ZNF565: variants seen among roughly 807,000 people sequenced by gnomAD.
ZNF565 encodes the protein zinc finger protein 565.
Under a neutral mutation model 39.4 loss-of-function variants are expected in ZNF565, and 27 were observed. The observed-to-expected ratio is 0.69, with a 90% CI of 0.51 to 0.95. ZNF565 has a LOEUF of 0.95. ZNF565 is among the 40% of genes least tolerant of loss of function. The pLI is 0.00. For synonymous variants in ZNF565, 185 were observed against 216.6 expected, an observed-to-expected ratio of 0.85 and a Z score of 1.28; for missense variants, 524 against 621.1, an observed-to-expected ratio of 0.84 and a Z score of 1.66.
intron 1 of ZNF565, among the ~76,000 whole-genome samples, chr19:36,239,616 A>G (rs923699702): frequency 1.3e-5 from 2 of 152,200 alleles, no homozygotes; most frequent in African/African-American, 4.8e-5. Context: ...ATGAGTCACC[A>G]TGCCCAGCTA....
chr19:36,240,370 G>A (rs1324266432), intron 1 of ZNF565, among the ~76,000 whole-genome samples: 7 of 152,242 alleles, frequency 4.6e-5, no homozygotes, highest in African/African-American at 7.2e-5. Flanking sequence ...GCAGTCAGCC[G>A]TGATTGCACC....
intron 1 of ZNF565, among the ~76,000 whole-genome samples, chr19:36,232,422 A>G (rs147508075): frequency 6.6e-6 from 1 of 152,150 alleles, no homozygotes; most frequent in Non-Finnish European, 1.5e-5. Flanking sequence ...GGAACTTACA[A>G]GTTCTCAGCA....
chr19:36,209,252 T>C (rs8111860), intron 1 of ZNF565, among the ~76,000 whole-genome samples: 43,480 of 152,076 alleles, frequency 0.29, 7,173 homozygotes, highest in African/African-American at 0.46. Context: ...GAACCGGGGC[T>C]GGGCGCAGTG....
intron 1 of ZNF565, among the ~76,000 whole-genome samples, chr19:36,229,564 G>T (rs1195283615): frequency 6.6e-6 from 1 of 152,098 alleles, no homozygotes; most frequent in Non-Finnish European, 1.5e-5. Context: ...CCTTCTTGAG[G>T]TAACCTAGGA....
At chr19:36,219,249 T>C (rs1452572950), upstream of ZNF565, among the ~76,000 whole-genome samples, 1 of 152,142 alleles carries the variant, frequency 6.6e-6, no homozygotes, top group Non-Finnish European at 1.5e-5. Context: ...CTCCACCTCC[T>C]GGGCTGAAGA....
intron 1 of ZNF565, among the ~76,000 whole-genome samples, chr19:36,210,989 T>C (rs1347938179): frequency 1.3e-5 from 2 of 148,216 alleles, no homozygotes; most frequent in African/African-American, 5.1e-5. Context: ...GCCAAATGTG[T>C]GATAATTTGA....
At chr19:36,201,872 C>T in intron 2 of ZNF565, 105 bp downstream of exon 2, 1 of 1,373,008 alleles carries the variant, frequency 7.3e-7, no homozygotes, top group East Asian at 2.3e-5. Context: ...TGGAATGGAC[C>T]AACTGTGAGA....
intron 1 of ZNF565, chr19:36,238,732 TTAATC>T (rs1977739446): frequency 1.2e-5 from 2 of 167,094 alleles, no homozygotes; most frequent in African/African-American, 2.4e-5. Flanking sequence ...TAATATGAAA[TTAATC>T]TATTTTATTA....
At chr19:36,234,852 C>G (rs1977578478) in intron 1 of ZNF565, among the ~76,000 whole-genome samples, 1 of 152,172 alleles carries the variant, frequency 6.6e-6, no homozygotes, top group Non-Finnish European at 1.5e-5. Flanking sequence ...GATAAACTTC[C>G]ATTTCATATG....
At chr19:36,190,564 G>C (rs1274382562) in intron 4 of ZNF565, among the ~76,000 whole-genome samples, 3 of 140,172 alleles carry the variant, frequency 2.1e-5, no homozygotes, top group Non-Finnish European at 4.6e-5. Context: ...CAACAAGGGC[G>C]AAACTCCATC....
At chr19:36,204,961 C>G (rs1976098303) in intron 1 of ZNF565, among the ~76,000 whole-genome samples, 1 of 152,090 alleles carries the variant, frequency 6.6e-6, no homozygotes, top group African/African-American at 2.4e-5. Flanking sequence ...CCACTCCAGC[C>G]TGGGCCACAG....
At chr19:36,242,992 A>T (rs1191649798) in intron 1 of ZNF565, among the ~76,000 whole-genome samples, 1 of 152,144 alleles carries the variant, frequency 6.6e-6, no homozygotes, top group Non-Finnish European at 1.5e-5. Context: ...TGTTCTGTTC[A>T]GATTATCTGA....
At chr19:36,221,297 T>TC in intron 1 of ZNF565, among the ~76,000 whole-genome samples, 1 of 146,396 alleles carries the variant, frequency 6.8e-6, no homozygotes, top group East Asian at 2.0e-4. Context: ...TTTTTTTTTT[T>TC]TTTTTTTTTG....
intron 4 of ZNF565, among the ~76,000 whole-genome samples, chr19:36,189,252 A>T (rs1222496504): frequency 6.6e-6 from 1 of 151,960 alleles, no homozygotes; most frequent in Non-Finnish European, 1.5e-5. Flanking sequence ...TCGTGCTACT[A>T]CACTCCAGCC....
intron 1 of ZNF565, among the ~76,000 whole-genome samples, chr19:36,225,752 C>CTTTTTTT: frequency 1.5e-5 from 1 of 66,728 alleles, no homozygotes; most frequent in Non-Finnish European, 2.8e-5. Flanking sequence ...CTTTGTGATT[C>CTTTTTTT]TTTTTTTTTT....
chr19:36,187,542 T>C (rs1466728643), intron 4 of ZNF565, among the ~76,000 whole-genome samples: 1 of 151,842 alleles, frequency 6.6e-6, no homozygotes, highest in African/African-American at 2.4e-5. Flanking sequence ...TTTGTATTTT[T>C]GGTAGAGATG....
intron 1 of ZNF565, among the ~76,000 whole-genome samples, chr19:36,242,281 A>G (rs931644719): frequency 6.6e-6 from 1 of 151,988 alleles, no homozygotes; most frequent in African/African-American, 2.4e-5. Flanking sequence ...GTGATGGTGC[A>G]TGCCTGTAGT....
At chr19:36,223,941 C>T (rs1976969219) in intron 1 of ZNF565, among the ~76,000 whole-genome samples, 2 of 152,026 alleles carry the variant, frequency 1.3e-5, no homozygotes, top group African/African-American at 4.8e-5. Context: ...CCTTGGCTTC[C>T]CAAGTCAGAG....
chr19:36,224,347 A>C (rs971677218), intron 1 of ZNF565, among the ~76,000 whole-genome samples: 2 of 152,200 alleles, frequency 1.3e-5, no homozygotes, highest in South Asian at 4.1e-4. Context: ...GTGCCACTGC[A>C]CTGCAGCCTG....
Sources: allele counts gnomAD v4.1 joint callset (sites outside exome capture counted in the v4.1 genomes callset), GRCh38; gene constraint gnomAD v4.1.1; transcripts MANE v1.5; gene names NCBI Gene and HGNC (gene_info 2026-07-23, HGNC 2026-07-21).